Variants in SCARB1 observed in about 807,000 individuals in gnomAD.
SCARB1 encodes CD36 and LIMPII analogous 1.
In SCARB1, 30 loss-of-function variants were observed where a neutral mutation model predicts 57.2. That is an observed-to-expected ratio of 0.52 (90% CI 0.39 to 0.71). The LOEUF (loss-of-function observed/expected upper bound fraction) is 0.71. Ranked by LOEUF, SCARB1 falls within the 30% of genes least tolerant of loss-of-function variation. The pLI, the probability that SCARB1 is intolerant of heterozygous loss-of-function variation, is 0.00. For synonymous variants in SCARB1, 249 were observed against 268.3 expected (o/e 0.93, Z 0.70); for missense variants, 543 against 671.2 (o/e 0.81, Z 2.11).
rs1226277333 is a variant in SCARB1, at chr12:124,817,917, T to C, written c.127-210A>G. Among the ~76,000 whole-genome samples the C allele has an allele frequency of 6.6e-6, 1 of 152,188 alleles. No homozygotes were observed. Among genetic ancestry groups the C allele is most frequent in the Admixed American group, 6.5e-5 (1 of 15,282 alleles). ...AACAGGCAACCTATCCATGCTGTCA[T>C]AATGCATCTTAAAATATGTCCTAAC... is the stretch of plus-strand genomic sequence containing the variant. On this transcript the variant is annotated intron_variant, in intron 1 of 12. Transcript: ENST00000261693. This position sits in a 1 kb window ranked among gnomAD's most constrained non-coding sequence, Gnocchi z 4.8.
Position 124,807,717 on chromosome 12 carries a change from C to T in SCARB1, c.1009+44G>A. On this transcript the variant is annotated intron_variant, in intron 7 of 12. Transcript: ENST00000261693. The surrounding 1 kb of genome is among the most constrained non-coding windows in gnomAD (Gnocchi z 5.3). ...GCAGATAAACCCTCAGCTGGCCCCACCCTCACACCCTCCCGCCATCCCAGC... is the reference window on the plus strand; with the variant it reads ...GCAGATAAACCCTCAGCTGGCCCCATCCTCACACCCTCCCGCCATCCCAGC... 6.2e-7 allele frequency: 1 copy of T among 1,606,216 alleles called. No individual in the cohort carries two copies. The highest frequency in any genetic ancestry group is 1.1e-5 in the South Asian group (1 of 90,710).
At chr12:124,852,018 C>A (rs1266172027) in intron 1 of SCARB1, among the ~76,000 whole-genome samples, 1 of 152,126 alleles carries the variant, frequency 6.6e-6, no homozygotes, top group Non-Finnish European at 1.5e-5. Flanking sequence ...CAGCCCCATC[C>A]AAGACACCTG....
chr12:124,856,128 G>T (rs549434312), intron 1 of SCARB1, among the ~76,000 whole-genome samples: 7 of 152,362 alleles, frequency 4.6e-5, no homozygotes, highest in Admixed American at 3.3e-4. Context: ...GCTGGGCCTG[G>T]CCCCAGAAAG....
chr12:124,841,199 G>A (rs1162775814), intron 1 of SCARB1, among the ~76,000 whole-genome samples: 3 of 151,962 alleles, frequency 2.0e-5, no homozygotes, highest in South Asian at 2.1e-4. Flanking sequence ...GTGAAACCCC[G>A]TATCTACTAA....
intron 1 of SCARB1, among the ~76,000 whole-genome samples, chr12:124,820,542 C>T (rs1043227327): frequency 6.6e-6 from 1 of 152,116 alleles, no homozygotes; most frequent in Non-Finnish European, 1.5e-5. Flanking sequence ...CCCGATCGCC[C>T]AGCCCTTCCT....
chr12:124,806,730 A>G (rs1950337372), intron 7 of SCARB1, among the ~76,000 whole-genome samples: 1 of 148,104 alleles, frequency 6.8e-6, no homozygotes, highest in South Asian at 2.1e-4. Flanking sequence ...CAACATCTCT[A>G]TAAAAACTTT....
At chr12:124,828,739 C>T (rs1180531380) in intron 1 of SCARB1, among the ~76,000 whole-genome samples, 1 of 152,226 alleles carries the variant, frequency 6.6e-6, no homozygotes, top group Non-Finnish European at 1.5e-5. Flanking sequence ...CCGCTGGGCT[C>T]CTTGCACGGG....
At chr12:124,836,244 C>A (rs1367146971) in intron 1 of SCARB1, among the ~76,000 whole-genome samples, 2 of 152,178 alleles carry the variant, frequency 1.3e-5, no homozygotes, top group African/African-American at 4.8e-5. Context: ...CACGCACTGG[C>A]AAGCACCAGA....
Position 124,811,922 on chromosome 12 carries a change from AC to A in SCARB1, c.673del (p.Val225SerfsTer16). ...DSGLFTVFTG[V>X]QNISRIHLVD... ...GAGGTGGATCCTGCTGATGTTCTGG[AC>A]CCCCGTGAACACCGTGAAGAGCCCA... On this transcript the variant is annotated frameshift_variant, in exon 5 of 13. Transcript: ENST00000261693. LOFTEE classifies it high-confidence loss of function. 4 of 1,612,932 alleles carry A rather than the reference AC, an allele frequency of 2.5e-6. No homozygotes were observed. Among genetic ancestry groups the A allele is most frequent in the Non-Finnish European group, 3.4e-6 (4 of 1,179,630 alleles).
intron 1 of SCARB1, among the ~76,000 whole-genome samples, chr12:124,832,027 T>C (rs904468177): frequency 5.3e-5 from 8 of 152,004 alleles, no homozygotes; most frequent in African/African-American, 1.9e-4. Flanking sequence ...CTGGATTGGG[T>C]CCTGGGACAG....
Position 124,817,720 on chromosome 12 carries a change from G to A in SCARB1, c.127-13C>T. The stretch of plus-strand genomic sequence containing the variant: ...CGATGCGCACGTTCTGCAGGGGAAG[G>A]GACAAGTACGCTTGTGAGGAGAGTG... On this transcript the variant is annotated splice_polypyrimidine_tract_variant and intron_variant, in intron 1 of 12. Coordinates refer to ENST00000261693, the MANE Select transcript of SCARB1 (RefSeq NM_005505.5). The surrounding 1 kb of genome is among the most constrained non-coding windows in gnomAD (Gnocchi z 4.8). The A allele has an allele frequency of 6.2e-7, 1 of 1,614,048 alleles. No individual in the cohort carries two copies. Among genetic ancestry groups the A allele is most frequent in the South Asian group, 1.1e-5 (1 of 91,074 alleles).
At position 124,807,814 on chromosome 12, in the gene SCARB1, C is replaced by A. The variant is rs150728540; in HGVS notation, c.956G>T (p.Gly319Val). The A allele has an allele frequency of 3.5e-4, 570 of 1,614,016 alleles. No individual in the cohort carries two copies. The highest frequency in any genetic ancestry group is 4.7e-4 in the Non-Finnish European group (549 of 1,180,042). The change falls in exon 7 of 13, where the codon GGC becomes GTC. Residue 319 changes from glycine (G) to valine (V), a missense_variant. Gly to Val is a moderately radical substitution (Grantham distance 109). Transcript: ENST00000261693. The surrounding 1 kb of genome is among the most constrained non-coding windows in gnomAD (Gnocchi z 5.3). ...TCCAGACTCCAGGCACGGGCAGAAG[C>A]CTTCGTTGGGTGGGTAGATGGACCC... ...ANGSIYPPNEGFCPCLESGIQ... is the reference protein window; with the variant it reads ...ANGSIYPPNEVFCPCLESGIQ...
chr12:124,839,173 T>C, intron 1 of SCARB1: 2 of 442,596 alleles, frequency 4.5e-6, no homozygotes, highest in South Asian at 3.1e-5. Flanking sequence ...TCTTTCATCT[T>C]GCAAAAGTGA....
intron 1 of SCARB1, among the ~76,000 whole-genome samples, chr12:124,834,579 G>T (rs1459107575): frequency 2.6e-5 from 4 of 152,218 alleles, no homozygotes; most frequent in African/African-American, 9.6e-5. Context: ...TTGTGGTGGT[G>T]TTTACTAGGT....
rs79030678 is a variant in SCARB1 at position 124,819,867 on chromosome 12, C to A, written c.127-2160G>T. The stretch of plus-strand genomic sequence containing the variant: ...CCACGGGGCCACTTGGGCAAGTCAG[C>A]CCCTGTGAACCTCAAGTTTCTCATC... On this transcript the variant is annotated intron_variant, in intron 1 of 12. Transcript: ENST00000261693. Among the ~76,000 whole-genome samples, 4,198 of 152,326 alleles carry A rather than the reference C, an allele frequency of 0.028. 493 individuals are homozygous for A. The East Asian group carries it at 0.38, about 14-fold the overall frequency.
chr12:124,807,990 C>G lies in SCARB1; in HGVS notation c.843-63G>C, dbSNP rs1033664864. The G allele has an allele frequency of 6.5e-7, 1 of 1,540,158 alleles. No homozygotes were observed. The highest frequency in any genetic ancestry group is 2.2e-5 in the East Asian group (1 of 44,490). ...CCCGGCGGCCAGAGCCAGGCCCTGC[C>G]AAAGGCTGCCCAGATCCAGCCACTT... On this transcript the variant is annotated intron_variant, in intron 6 of 12. Coordinates refer to ENST00000261693, the MANE Select transcript of SCARB1 (RefSeq NM_005505.5). This position sits in a 1 kb window ranked among gnomAD's most constrained non-coding sequence, Gnocchi z 5.3.
At chr12:124,794,492 C>G (rs1276326602) in intron 9 of SCARB1, among the ~76,000 whole-genome samples, 1 of 151,044 alleles carries the variant, frequency 6.6e-6, no homozygotes, top group Non-Finnish European at 1.5e-5. Flanking sequence ...GCTCCGCCTC[C>G]CGGGTTCACG....
chr12:124,792,167 G>A (rs772522086), intron 9 of SCARB1, among the ~76,000 whole-genome samples: 4 of 152,102 alleles, frequency 2.6e-5, no homozygotes, highest in African/African-American at 7.3e-5. Flanking sequence ...CAAGTAACAT[G>A]CAACCCCACT....
intron 1 of SCARB1, among the ~76,000 whole-genome samples, chr12:124,859,780 G>A (rs2135863925): frequency 6.6e-6 from 1 of 151,908 alleles, no homozygotes; most frequent in East Asian, 1.9e-4. Flanking sequence ...GACCAGCCTG[G>A]GTAACATAGT....
Sources: allele counts gnomAD v4.1 joint callset (sites outside exome capture counted in the v4.1 genomes callset), GRCh38; gene constraint gnomAD v4.1.1; non-coding constraint Gnocchi (gnomAD v3.1); transcripts MANE v1.5; gene names NCBI Gene and HGNC (gene_info 2026-07-23, HGNC 2026-07-21).